The following MCTP2 variants were observed in gnomAD, a reference collection of about 807,000 sequenced individuals.
The protein encoded by MCTP2 is multiple C2 and transmembrane domain-containing protein 2.
Under a neutral mutation model 111.6 loss-of-function variants are expected in MCTP2, and 132 were observed. The observed-to-expected ratio is 1.18, with a 90% CI of 1.03 to 1.37. The LOEUF (loss-of-function observed/expected upper bound fraction) is 1.37. MCTP2 is among the 40% of genes most tolerant of loss of function. The pLI, the probability that MCTP2 is intolerant of heterozygous loss-of-function variation, is 0.00. For missense variants in MCTP2, 1,183 were observed against 1,067.9 expected (o/e 1.11, Z -1.50); for synonymous variants, 395 against 387.7 (o/e 1.02, Z -0.22).
chr15:94,412,659 T>C (rs760945970), intron 17 of MCTP2, among the ~76,000 whole-genome samples: 59 of 152,214 alleles, frequency 3.9e-4, no homozygotes, highest in Non-Finnish European at 7.1e-4. Context: ...CATTGTCTTC[T>C]CTTTAAGGAA....
chr15:94,242,312 C>T (rs2071027210), intron 1 of MCTP2, among the ~76,000 whole-genome samples: 1 of 152,096 alleles, frequency 6.6e-6, no homozygotes, highest in Admixed American at 6.6e-5. Flanking sequence ...TTTGAGATGC[C>T]TGTGGATATT....
At chr15:94,469,885 G>GA (rs377045995) in intron 20 of MCTP2, among the ~76,000 whole-genome samples, 37 of 139,326 alleles carry the variant, frequency 2.7e-4, no homozygotes, top group Non-Finnish European at 4.0e-4. Context: ...AGACAAAAAA[G>GA]AAAAAAAAAA....
chr15:94,349,597 G>T (rs1187368136), intron 8 of MCTP2, among the ~76,000 whole-genome samples: 2 of 152,002 alleles, frequency 1.3e-5, no homozygotes, highest in African/African-American at 2.4e-5. Flanking sequence ...GAGGCGGGCG[G>T]ATCACGAGGT....
rs34484349 is a variant in MCTP2, at chr15:94,300,509, C to CAAAAA, written c.465+1790_465+1794dup. 1.9e-4 allele frequency among the ~76,000 whole-genome samples: 24 copies of CAAAAA among 126,364 alleles called. 1 individual carries two copies. Among genetic ancestry groups the CAAAAA allele is most frequent in the African/African-American group, 7.0e-4 (23 of 32,820 alleles). 82.9% of individuals were successfully genotyped at this position (126,364 alleles called of 152,430 possible). A position where few individuals can be genotyped will look rare whatever the true frequency, so the allele number is the denominator to read the frequency against. Reference sequence around the variant, plus strand: ...TGGGTGACAGAGTGAGACTCTGTCTCAAAAAAAAAAAAAAAGAACTTTTAT... The same window carrying CAAAAA: ...TGGGTGACAGAGTGAGACTCTGTCTCAAAAAAAAAAAAAAAAAAAAGAACTTTTAT... On this transcript the variant is annotated intron_variant, in intron 2 of 22. Coordinates refer to ENST00000357742, the MANE Select transcript of MCTP2 (RefSeq NM_001385001.1).
chr15:94,376,440 C>A (rs1348020934), intron 12 of MCTP2, among the ~76,000 whole-genome samples: 1 of 152,098 alleles, frequency 6.6e-6, no homozygotes, highest in African/African-American at 2.4e-5. Context: ...AAGCAGAGAC[C>A]CATGTGTTAA....
At chr15:94,425,524 G>A (rs1489890634) in intron 17 of MCTP2, among the ~76,000 whole-genome samples, 1 of 151,572 alleles carries the variant, frequency 6.6e-6, no homozygotes, top group Non-Finnish European at 1.5e-5. Flanking sequence ...AAAAAAAACA[G>A]CAGAATGATA....
chr15:94,419,493 T>C (rs2082525048), intron 17 of MCTP2, among the ~76,000 whole-genome samples: 1 of 152,086 alleles, frequency 6.6e-6, no homozygotes, highest in South Asian at 2.1e-4. Flanking sequence ...GACATTTTGA[T>C]TCTGGAGCTT....
At chr15:94,363,106 A>T (rs2079021642) in intron 10 of MCTP2, among the ~76,000 whole-genome samples, 1 of 152,192 alleles carries the variant, frequency 6.6e-6, no homozygotes, top group Admixed American at 6.5e-5. Flanking sequence ...GTTCAAGAAA[A>T]AACAGTATAA....
chr15:94,302,977 A>G lies in MCTP2; in HGVS notation c.465+4247A>G, dbSNP rs576989298. Among the ~76,000 whole-genome samples, 18 of 151,546 alleles carry G rather than the reference A, an allele frequency of 1.2e-4. No individual in the cohort carries two copies. In the South Asian group the frequency reaches 3.7e-3, roughly 32 times the overall value. ...GGCAAGGAGGAGCAAGTCATGTCTT[A>G]CATGGATGGCAGCCAGCAAAGGGAG... On this transcript the variant is annotated intron_variant, in intron 2 of 22. Transcript: ENST00000357742.
At chr15:94,276,611 G>A (rs953756619) in intron 1 of MCTP2, among the ~76,000 whole-genome samples, 5 of 150,588 alleles carry the variant, frequency 3.3e-5, no homozygotes, top group Non-Finnish European at 5.9e-5. Flanking sequence ...ATAATAATAT[G>A]TTCGTAATCT....
chr15:94,356,354 T>C, intron 9 of MCTP2, 53 bp downstream of exon 9: 1 of 1,422,330 alleles, frequency 7.0e-7, no homozygotes, highest in Non-Finnish European at 9.3e-7. Context: ...TAAAAAAAAA[T>C]TAAAAATTGT....
Position 94,476,798 on chromosome 15 carries a change from G to T in MCTP2, c.2568+5G>T. 3.3e-6 allele frequency: 5 copies of T among 1,508,384 alleles called. No individual in the cohort carries two copies. The highest frequency in any genetic ancestry group is 4.6e-6 in the Non-Finnish European group (5 of 1,084,414). The allele number at this position is 1,508,384 out of a possible 1,614,324, so 93.4% of individuals were successfully genotyped here. The stretch of plus-strand genomic sequence containing the variant: ...GTACCGTCTGATGTTCAAAAGGTAT[G>T]TAATGAATGGTTACCACCAACAGTG... On this transcript the variant is annotated splice_donor_5th_base_variant and intron_variant, in intron 22 of 22. Coordinates refer to ENST00000357742, the MANE Select transcript of MCTP2 (RefSeq NM_001385001.1).
intron 1 of MCTP2, among the ~76,000 whole-genome samples, chr15:94,245,189 CAT>C (rs1491194519): frequency 7.5e-4 from 107 of 142,890 alleles, no homozygotes; most frequent in African/African-American, 2.0e-3. Context: ...TTTATACACA[CAT>C]ATGTATGTAT....
intron 17 of MCTP2, among the ~76,000 whole-genome samples, chr15:94,437,271 G>C (rs1221925278): frequency 6.6e-6 from 1 of 151,128 alleles, no homozygotes; most frequent in Non-Finnish European, 1.5e-5. Flanking sequence ...TTCTACATCA[G>C]ATCTACAAAA....
chr15:94,330,666 G>A (rs1265814310), intron 4 of MCTP2, among the ~76,000 whole-genome samples: 1 of 152,116 alleles, frequency 6.6e-6, no homozygotes, highest in African/African-American at 2.4e-5. Context: ...CATGTATGAG[G>A]TTTCTAAGCC....
intron 18 of MCTP2, among the ~76,000 whole-genome samples, chr15:94,440,926 C>T (rs896952549): frequency 1.3e-5 from 2 of 152,204 alleles, no homozygotes; most frequent in Admixed American, 1.3e-4. Context: ...CTCTCCTGCT[C>T]CTGGCCCCCT....
intron 1 of MCTP2, among the ~76,000 whole-genome samples, chr15:94,255,063 A>T (rs1201850265): frequency 6.6e-6 from 1 of 152,196 alleles, no homozygotes. Context: ...TTCTATTGGA[A>T]GATCAGACCT....
At chr15:94,350,543 C>G (rs1034830940) in intron 8 of MCTP2, among the ~76,000 whole-genome samples, 3 of 152,186 alleles carry the variant, frequency 2.0e-5, no homozygotes, top group African/African-American at 7.2e-5. Context: ...GCACCCCAGC[C>G]TGAGTGACAG....
chr15:94,475,839 G>A (rs1215846994), intron 21 of MCTP2, among the ~76,000 whole-genome samples: 1 of 152,140 alleles, frequency 6.6e-6, no homozygotes, highest in Non-Finnish European at 1.5e-5. Flanking sequence ...AGCGTGTCCT[G>A]GATATGCACG....
Sources: gnomAD v4.1 joint callset for allele counts (sites outside exome capture counted in the v4.1 genomes callset) on GRCh38, gnomAD v4.1.1 for gene constraint, MANE v1.5 for transcripts, NCBI Gene and HGNC (gene_info 2026-07-23, HGNC 2026-07-21) for gene names.